The following VWA8 variants were observed in gnomAD, a reference collection of about 807,000 sequenced individuals.
VWA8 encodes von Willebrand factor A domain-containing protein 8.
VWA8 carries 221 observed loss-of-function variants against 241.5 expected under a neutral mutation model. That is an observed-to-expected ratio of 0.91 (90% CI 0.82 to 1.02). The LOEUF (loss-of-function observed/expected upper bound fraction) is 1.02. Among genes scored for constraint, VWA8 ranks in the 50% least tolerant of loss-of-function variants. The pLI is 0.00. For missense variants in VWA8, 2,322 were observed against 2,328.7 expected, an observed-to-expected ratio of 1.00 and a Z score of 0.06; for synonymous variants, 852 against 827.1, an observed-to-expected ratio of 1.03 and a Z score of -0.52.
chr13:41,584,172 T>C (rs1480414248), intron 42 of VWA8, among the ~76,000 whole-genome samples: 3 of 152,164 alleles, frequency 2.0e-5, no homozygotes, highest in Admixed American at 6.5e-5. Context: ...TTTGTAGGTT[T>C]AAAATTTTTC....
At chr13:41,817,815 A>C (rs2137982657) in intron 15 of VWA8, among the ~76,000 whole-genome samples, 1 of 152,328 alleles carries the variant, frequency 6.6e-6, no homozygotes, top group South Asian at 2.1e-4. Flanking sequence ...GAATAAATGT[A>C]TTTAAATAGA....
At chr13:41,688,100 G>T (rs1160827937) in intron 34 of VWA8, among the ~76,000 whole-genome samples, 1 of 151,932 alleles carries the variant, frequency 6.6e-6, no homozygotes, top group African/African-American at 2.4e-5. Flanking sequence ...TATCAAGGCT[G>T]CTATAAACAC....
At chr13:41,617,886 T>C (rs1454547398) in intron 37 of VWA8, among the ~76,000 whole-genome samples, 5 of 143,470 alleles carry the variant, frequency 3.5e-5, no homozygotes, top group Non-Finnish European at 5.9e-5. Flanking sequence ...ATCCCGTCTA[T>C]TATGGGTTGG....
chr13:41,828,846 T>A (rs928468453), intron 14 of VWA8, among the ~76,000 whole-genome samples: 1 of 152,210 alleles, frequency 6.6e-6, no homozygotes, highest in Non-Finnish European at 1.5e-5. Context: ...TATTTAAACT[T>A]TTCTAATTTT....
chr13:41,799,293 G>A (rs1268104741), intron 17 of VWA8, among the ~76,000 whole-genome samples: 3 of 152,156 alleles, frequency 2.0e-5, no homozygotes, highest in Non-Finnish European at 4.4e-5. Context: ...TTCAAGGTTG[G>A]TGTTTTCTAC....
chr13:41,612,956 G>A (rs73464949), intron 38 of VWA8, among the ~76,000 whole-genome samples: 2,456 of 152,236 alleles, frequency 0.016, 72 homozygotes, highest in African/African-American at 0.055. Flanking sequence ...GCTTAGAGCA[G>A]TATCTGGCAC....
intron 40 of VWA8, among the ~76,000 whole-genome samples, chr13:41,596,006 AT>A (rs975532422): frequency 7.9e-5 from 12 of 152,054 alleles, no homozygotes; most frequent in South Asian, 2.1e-4. Flanking sequence ...GCTTAAAATA[AT>A]TTTTTTAGCC....
chr13:41,830,430 A>G (rs1289533799), intron 14 of VWA8, 99 bp downstream of exon 14: 21 of 1,014,478 alleles, frequency 2.1e-5, no homozygotes, highest in Non-Finnish European at 3.0e-5. Context: ...AAATTGTTCA[A>G]AGTTATCTTG....
intron 37 of VWA8, among the ~76,000 whole-genome samples, chr13:41,645,374 G>T (rs755573415): frequency 3.3e-5 from 5 of 152,184 alleles, no homozygotes; most frequent in Admixed American, 1.3e-4. Context: ...TGAAGTTTGG[G>T]TTGTATGAGA....
chr13:41,852,591 G>A (rs987723112), intron 12 of VWA8, among the ~76,000 whole-genome samples: 3 of 152,010 alleles, frequency 2.0e-5, no homozygotes, highest in Non-Finnish European at 2.9e-5. Flanking sequence ...TATAGTTTCA[G>A]TCTTACATTT....
intron 32 of VWA8, 90 bp downstream of exon 32, chr13:41,691,230 A>G (rs1456337292): frequency 1.5e-5 from 21 of 1,440,216 alleles, no homozygotes; most frequent in Non-Finnish European, 1.7e-5. Context: ...GGACAGACAC[A>G]GGAAAGACAG....
intron 37 of VWA8, among the ~76,000 whole-genome samples, chr13:41,641,495 C>T (rs1208480511): frequency 1.3e-5 from 2 of 151,856 alleles, no homozygotes; most frequent in Non-Finnish European, 2.9e-5. Flanking sequence ...GGTAACTTGC[C>T]TAGGGTCATA....
intron 12 of VWA8, among the ~76,000 whole-genome samples, chr13:41,843,282 T>G (rs1872139357): frequency 6.6e-6 from 1 of 152,160 alleles, no homozygotes; most frequent in Non-Finnish European, 1.5e-5. Context: ...CAAACTTTGT[T>G]GCATTTTATC....
intron 4 of VWA8, among the ~76,000 whole-genome samples, chr13:41,897,795 T>C (rs1875190051): frequency 6.6e-6 from 1 of 152,098 alleles, no homozygotes; most frequent in Non-Finnish European, 1.5e-5. Flanking sequence ...GCAAGATTTA[T>C]TGCAAAGAGC....
chr13:41,713,463 C>G (rs1268667792), intron 26 of VWA8, among the ~76,000 whole-genome samples: 1 of 152,020 alleles, frequency 6.6e-6, no homozygotes, highest in Admixed American at 6.6e-5. Context: ...TTCAAAGTTA[C>G]CTTATTTTGC....
chr13:41,736,163 T>G (rs1016734932), intron 21 of VWA8, among the ~76,000 whole-genome samples: 1 of 152,180 alleles, frequency 6.6e-6, no homozygotes, highest in Non-Finnish European at 1.5e-5. Context: ...CATTTATCAG[T>G]AATACTTGAT....
chr13:41,827,742 G>A (rs1871241385), intron 14 of VWA8, among the ~76,000 whole-genome samples: 1 of 152,190 alleles, frequency 6.6e-6, no homozygotes, highest in Non-Finnish European at 1.5e-5. Flanking sequence ...AGTGATGAAG[G>A]TGGAAAACTT....
At chr13:41,717,972 T>A (rs963248572) in intron 26 of VWA8, among the ~76,000 whole-genome samples, 1 of 152,048 alleles carries the variant, frequency 6.6e-6, no homozygotes, top group Non-Finnish European at 1.5e-5. Flanking sequence ...GCCATAGCAA[T>A]AATTTTTCTG....
intron 25 of VWA8, 41 bp downstream of exon 25, chr13:41,721,329 G>C: frequency 6.2e-7 from 1 of 1,600,158 alleles, no homozygotes; most frequent in Non-Finnish European, 8.5e-7. Context: ...AAATAAAAAA[G>C]AGAGTGATGG....
Sources: allele counts gnomAD v4.1 joint callset (sites outside exome capture counted in the v4.1 genomes callset), GRCh38; gene constraint gnomAD v4.1.1; transcripts MANE v1.5; gene names NCBI Gene and HGNC (gene_info 2026-07-23, HGNC 2026-07-21).